ALPL: variants seen among roughly 807,000 people sequenced by gnomAD.
The protein encoded by ALPL is alkaline phosphatase, tissue-nonspecific isozyme.
In ALPL, 42 loss-of-function variants were observed where a neutral mutation model predicts 51.3. That is an observed-to-expected ratio of 0.82 (90% CI 0.64 to 1.06). The LOEUF (loss-of-function observed/expected upper bound fraction) is 1.06. Among genes scored for constraint, ALPL ranks in the 50% least tolerant of loss-of-function variants. ALPL has a pLI of 0.00. For missense variants in ALPL, 589 were observed against 709.4 expected (o/e 0.83, Z 1.93); for synonymous variants, 279 against 296.4 (o/e 0.94, Z 0.60).
intron 9 of ALPL, 175 bp downstream of exon 9, chr1:21,573,974 A>G: frequency 5.1e-6 from 5 of 985,344 alleles, no homozygotes; most frequent in Non-Finnish European, 6.0e-6. Flanking sequence ...CCAGCCCAGC[A>G]AGCTGCTCTC....
chr1:21,553,757 C>G (rs903725993), intron 1 of ALPL, among the ~76,000 whole-genome samples: 37 of 152,336 alleles, frequency 2.4e-4, no homozygotes, highest in Middle Eastern at 6.8e-3. Flanking sequence ...AACTGCTTTG[C>G]AGCATGGAAC....
intron 1 of ALPL, among the ~76,000 whole-genome samples, chr1:21,551,658 C>G (rs1644322073): frequency 6.6e-6 from 1 of 151,358 alleles, no homozygotes; most frequent in Non-Finnish European, 1.5e-5. Context: ...CCACTCTGCG[C>G]CGCTACCCCC....
intron 1 of ALPL, among the ~76,000 whole-genome samples, chr1:21,536,274 A>T (rs938185699): frequency 1.3e-5 from 2 of 152,224 alleles, no homozygotes; most frequent in Non-Finnish European, 2.9e-5. Context: ...CATACTTGAA[A>T]CTTGTCAGCT....
At chr1:21,535,151 G>A (rs190320576) in intron 1 of ALPL, among the ~76,000 whole-genome samples, 2 of 152,346 alleles carry the variant, frequency 1.3e-5, no homozygotes, top group African/African-American at 2.4e-5. Context: ...GGCATAGAAG[G>A]TGTTTAGTCA....
At chr1:21,536,412 G>C (rs1412572129) in intron 1 of ALPL, among the ~76,000 whole-genome samples, 1 of 152,202 alleles carries the variant, frequency 6.6e-6, no homozygotes, top group African/African-American at 2.4e-5. Context: ...GTCAGACTCT[G>C]TGTTCCAAGT....
chr1:21,541,052 C>A (rs969100134), intron 1 of ALPL, among the ~76,000 whole-genome samples: 1 of 152,200 alleles, frequency 6.6e-6, no homozygotes, highest in Admixed American at 6.5e-5. Context: ...AGTCTCAGAG[C>A]TGGAAGGACT....
intron 1 of ALPL, among the ~76,000 whole-genome samples, chr1:21,527,242 G>T (rs897628475): frequency 6.6e-6 from 1 of 152,032 alleles, no homozygotes; most frequent in African/African-American, 2.4e-5. Context: ...GTGTTGGTCA[G>T]GCTGGTCTCG....
At position 21,577,628 on chromosome 1, in the gene ALPL, C is replaced by A. The variant is rs775398905; in HGVS notation, c.1555C>A (p.Pro519Thr). Reference sequence around the variant, plus strand: ...CCTGCTGCTCGCGCTGGCCCTCTACCCCCTGAGCGTCCTGTTCTGAGGGCC... The same window carrying A: ...CCTGCTGCTCGCGCTGGCCCTCTACACCCTGAGCGTCCTGTTCTGAGGGCC... ...GPLLLALALY[P>T]LSVLF Residue 519 changes from proline to threonine, a missense_variant, in exon 12 of 12, where the codon CCC (proline) becomes ACC (threonine). Pro to Thr is a conservative substitution (Grantham distance 38). Transcript: ENST00000374840. 1.9e-6 allele frequency: 3 copies of A among 1,598,770 alleles called. No homozygotes were observed. The highest frequency in any genetic ancestry group is 4.5e-5 in the East Asian group (2 of 44,790).
At chr1:21,522,307 T>C (rs757498659) in intron 1 of ALPL, among the ~76,000 whole-genome samples, 17 of 152,178 alleles carry the variant, frequency 1.1e-4, no homozygotes, top group Middle Eastern at 3.4e-3. Context: ...ATCTCCTGAC[T>C]TCATGATCCG....
chr1:21,562,666 C>T (rs1644500644), intron 4 of ALPL, among the ~76,000 whole-genome samples: 1 of 151,930 alleles, frequency 6.6e-6, no homozygotes, highest in Non-Finnish European at 1.5e-5. Context: ...GGTCTTGGCC[C>T]CACCCTTCCC....
upstream of ALPL, among the ~76,000 whole-genome samples, chr1:21,509,146 G>A (rs1182009009): frequency 6.6e-6 from 1 of 152,140 alleles, no homozygotes; most frequent in Admixed American, 6.5e-5. The surrounding 1 kb of genome is among the most constrained non-coding windows in gnomAD (Gnocchi z 6.0). Flanking sequence ...AGGAAGGGCT[G>A]GGCTGGGGCA....
chr1:21,513,197 T>C (rs975000), intron 1 of ALPL, among the ~76,000 whole-genome samples: 45,401 of 151,856 alleles, frequency 0.3, 7,078 homozygotes, highest in East Asian at 0.48. Context: ...GGGCTCTTGG[T>C]GCACCAGGGA....
chr1:21,575,711 GC>G, intron 9 of ALPL, 21 bp from the exon 10 acceptor site: 1 of 1,613,960 alleles, frequency 6.2e-7, no homozygotes, highest in East Asian at 2.2e-5. Flanking sequence ...CCTCACCGAG[GC>G]CTTTGCCTTG....
At chr1:21,562,519 C>T (rs1644498172) in intron 4 of ALPL, among the ~76,000 whole-genome samples, 1 of 152,114 alleles carries the variant, frequency 6.6e-6, no homozygotes, top group Admixed American at 6.5e-5. Context: ...ACTATGGTGC[C>T]TTCTGTGCCT....
At chr1:21,566,674 C>T (rs1294529772) in intron 6 of ALPL, among the ~76,000 whole-genome samples, 1 of 152,098 alleles carries the variant, frequency 6.6e-6, no homozygotes, top group Non-Finnish European at 1.5e-5. Flanking sequence ...ACTTCAGTCT[C>T]AGCCTCCTGG....
intron 1 of ALPL, among the ~76,000 whole-genome samples, chr1:21,515,600 G>C (rs1438514825): frequency 6.6e-6 from 1 of 152,138 alleles, no homozygotes; most frequent in Admixed American, 6.6e-5. Context: ...TGTCGGCCAG[G>C]TTGATCTTGA....
intron 1 of ALPL, among the ~76,000 whole-genome samples, chr1:21,534,431 G>A (rs1435339702): frequency 6.6e-6 from 1 of 152,214 alleles, no homozygotes; most frequent in Non-Finnish European, 1.5e-5. Context: ...CTGAGATAGA[G>A]AGCCACAGGG....
chr1:21,570,652 G>A (rs879264190), intron 8 of ALPL, among the ~76,000 whole-genome samples: 6 of 152,194 alleles, frequency 3.9e-5, no homozygotes, highest in Admixed American at 1.3e-4. Context: ...AAGTGACAGC[G>A]GTACGGCCCA....
chr1:21,528,266 T>C (rs1643977238), intron 1 of ALPL, among the ~76,000 whole-genome samples: 1 of 151,640 alleles, frequency 6.6e-6, no homozygotes, highest in Non-Finnish European at 1.5e-5. Context: ...GCGATCCTCC[T>C]GCCGTGGCCT....
Sources: gnomAD v4.1 joint callset for allele counts (sites outside exome capture counted in the v4.1 genomes callset) on GRCh38, gnomAD v4.1.1 for gene constraint, Gnocchi (gnomAD v3.1) non-coding constraint, MANE v1.5 for transcripts, NCBI Gene and HGNC (gene_info 2026-07-23, HGNC 2026-07-21) for gene names.